Variants in GLT1D1 observed in about 807,000 individuals in gnomAD.
GLT1D1 encodes the protein glycosyltransferase 1 domain-containing protein 1.
Under a neutral mutation model 28.7 loss-of-function variants are expected in GLT1D1, and 21 were observed. That is an observed-to-expected ratio of 0.73 (90% CI 0.52 to 1.05). The LOEUF is 1.05. Among genes scored for constraint, GLT1D1 ranks in the 50% least tolerant of loss-of-function variants. GLT1D1 has a pLI of 0.00. For synonymous variants in GLT1D1, 147 were observed against 124.8 expected, an observed-to-expected ratio of 1.18 and a Z score of -1.19; for missense variants, 343 against 330.6, an observed-to-expected ratio of 1.04 and a Z score of -0.29.
At chr12:128,972,337 G>A (rs1174675491) in intron 7 of GLT1D1, among the ~76,000 whole-genome samples, 1 of 152,260 alleles carries the variant, frequency 6.6e-6, no homozygotes, top group African/African-American at 2.4e-5. Flanking sequence ...CTGCGGGAGA[G>A]AGAAGACAGG....
chr12:128,947,579 A>G, intron 6 of GLT1D1, 121 bp downstream of exon 10: 1 of 1,095,034 alleles, frequency 9.1e-7, no homozygotes, highest in Non-Finnish European at 1.4e-6. Flanking sequence ...TAAAAAGGCC[A>G]AGCAGCATAC....
Position 128,874,071 on chromosome 12 carries a change from T to TCTTC in GLT1D1, c.69-1840_69-1839insCCTT, listed in dbSNP as rs1566090880. 2.6e-3 allele frequency among the ~76,000 whole-genome samples: 44 copies of TCTTC among 17,066 alleles called. 1 individual carries two copies. Among genetic ancestry groups the TCTTC allele is most frequent in the African/African-American group, 0.014 (39 of 2,770 alleles). The allele number at this position is 17,066 out of a possible 152,430, so 11.2% of individuals were successfully genotyped here. A position where few individuals can be genotyped will look rare whatever the true frequency, so the allele number is the denominator to read the frequency against. ...TCCCTCCCTCCCTCCTTTCTTTCTT[T>TCTTC]CTTTCTTTCTTTCTTTCTTTCTTTC... is the stretch of plus-strand genomic sequence containing the variant. On this transcript the variant is annotated intron_variant, in intron 1 of 7. Coordinates refer to ENST00000281703, the MANE Select transcript of GLT1D1 (RefSeq NM_144669.3).
chr12:128,926,226 TAATAATAATAA>T (rs1185306040), intron 4 of GLT1D1, 122 bp from the exon 7 acceptor site: 44 of 221,564 alleles, frequency 2.0e-4, no homozygotes, highest in African/African-American at 7.3e-4. Context: ...ATAATAATAA[TAATAATAATAA>T]GAGTAGGAGA....
chr12:128,899,254 A>G lies in GLT1D1; in HGVS notation c.342A>G (p.Thr114=). Residue 114 remains threonine, a synonymous_variant, in exon 4 of 8, where the codon ACA becomes ACG. Coordinates refer to ENST00000281703, the MANE Select transcript of GLT1D1 (RefSeq NM_144669.3). ...TTACTAGATTTGCTGTCGCTTTCAC[A>G]GAGTCAATGAAGGAAATGGCACAAG... The G allele has an allele frequency of 1.9e-6, 3 of 1,613,280 alleles. No homozygotes were observed. The highest frequency in any genetic ancestry group is 2.5e-6 in the Non-Finnish European group (3 of 1,179,220).
At chr12:128,930,777 G>A (rs192600420) in intron 4 of GLT1D1, among the ~76,000 whole-genome samples, 2 of 152,284 alleles carry the variant, frequency 1.3e-5, no homozygotes, top group East Asian at 1.9e-4. Context: ...TTGCAGAGGC[G>A]GGAGAAGAGA....
chr12:128,971,556 GTCTT>G (rs1418813524), intron 7 of GLT1D1, among the ~76,000 whole-genome samples: 4 of 104,014 alleles, frequency 3.8e-5, no homozygotes, highest in African/African-American at 3.9e-5. Context: ...CTCTCTTCCT[GTCTT>G]TCTCCCTCCC....
chr12:128,910,020 A>G (rs143007459), intron 4 of GLT1D1, among the ~76,000 whole-genome samples: 3 of 152,268 alleles, frequency 2.0e-5, no homozygotes, highest in African/African-American at 4.8e-5. Flanking sequence ...ATATAAGCCA[A>G]TTGGCTTTTG....
chr12:128,923,387 G>A (rs562090823), intron 4 of GLT1D1, among the ~76,000 whole-genome samples: 12 of 152,232 alleles, frequency 7.9e-5, no homozygotes, highest in African/African-American at 2.6e-4. Flanking sequence ...ATAAGCCACC[G>A]CAGGATGCAC....
chr12:128,983,165 A>C lies in GLT1D1; in HGVS notation c.*75A>C. The C allele has an allele frequency of 7.3e-7, 1 of 1,370,014 alleles. No individual in the cohort carries two copies. The highest frequency in any genetic ancestry group is 1.0e-6 in the Non-Finnish European group (1 of 975,334). 84.9% of individuals were successfully genotyped at this position (1,370,014 alleles called of 1,614,324 possible). A position where few individuals can be genotyped will look rare whatever the true frequency, so the allele number is the denominator to read the frequency against. On this transcript the variant is annotated 3_prime_UTR_variant, in exon 8 of 8. Coordinates refer to ENST00000281703, the MANE Select transcript of GLT1D1 (RefSeq NM_144669.3). This position sits in a 1 kb window ranked among gnomAD's most constrained non-coding sequence, Gnocchi z 4.7. Reference sequence around the variant, plus strand: ...ACACTCAGAGACAGAGTTCTGGATCACGTGGGCCCAGTGCAGTTCAAATAA... The same window carrying C: ...ACACTCAGAGACAGAGTTCTGGATCCCGTGGGCCCAGTGCAGTTCAAATAA...
intron 2 of GLT1D1, among the ~76,000 whole-genome samples, chr12:128,887,078 C>T (rs113786602): frequency 0.054 from 8,165 of 151,102 alleles, 719 homozygotes; most frequent in African/African-American, 0.18. Context: ...GTGGCGTGAT[C>T]TCAGCTCACT....
chr12:128,926,374 C>A, intron 4 of GLT1D1: 2 of 1,520,618 alleles, frequency 1.3e-6, no homozygotes, highest in Non-Finnish European at 8.8e-7. Flanking sequence ...AACCAAAGTG[C>A]TGATAATTTG....
intron 4 of GLT1D1, among the ~76,000 whole-genome samples, chr12:128,908,827 T>C (rs1159369075): frequency 1.3e-5 from 2 of 152,224 alleles, no homozygotes; most frequent in East Asian, 3.9e-4. Flanking sequence ...CGGGCGCCTG[T>C]AGTCCCAGCT....
chr12:128,884,670 C>T, intron 2 of GLT1D1, among the ~76,000 whole-genome samples: 1 of 151,954 alleles, frequency 6.6e-6, no homozygotes, highest in Non-Finnish European at 1.5e-5. Context: ...TAAAAATTAG[C>T]TGGGCATGGT....
chr12:128,878,008 T>G (rs1214896849), intron 2 of GLT1D1, among the ~76,000 whole-genome samples: 2 of 152,192 alleles, frequency 1.3e-5, no homozygotes, highest in Non-Finnish European at 2.9e-5. Flanking sequence ...GGCCAGCTTC[T>G]CCCTGAGAGA....
At chr12:128,908,173 T>G (rs1871079783) in intron 4 of GLT1D1, among the ~76,000 whole-genome samples, 1 of 152,128 alleles carries the variant, frequency 6.6e-6, no homozygotes. Context: ...CCTCCGAAAG[T>G]GCTGGGATTA....
At chr12:128,952,720 C>A (rs1373148821) in intron 6 of GLT1D1, among the ~76,000 whole-genome samples, 1 of 149,220 alleles carries the variant, frequency 6.7e-6, no homozygotes, top group Non-Finnish European at 1.5e-5. Context: ...GGTGAGCCGC[C>A]TGCCTCGGCC....
At chr12:128,897,628 A>T (rs1395022799) in intron 3 of GLT1D1, among the ~76,000 whole-genome samples, 1 of 152,114 alleles carries the variant, frequency 6.6e-6, no homozygotes, top group Non-Finnish European at 1.5e-5. Flanking sequence ...AACTTTTTCC[A>T]TGTATTTAAC....
At chr12:128,932,783 C>T (rs1874072430) in intron 4 of GLT1D1, among the ~76,000 whole-genome samples, 1 of 151,670 alleles carries the variant, frequency 6.6e-6, no homozygotes, top group Non-Finnish European at 1.5e-5. Context: ...TGGGCACGAC[C>T]CTGGTTTAAG....
rs547159142 is a variant in GLT1D1, at chr12:128,901,499, C to T, written c.375+2212C>T. 2.4e-3 allele frequency among the ~76,000 whole-genome samples: 364 copies of T among 151,106 alleles called. 2 individuals carry two copies. The highest frequency in any genetic ancestry group is 8.5e-3 in the African/African-American group (348 of 41,104). ...TCGCCCAGGCTGGAGTGCAGTGGCG[C>T]GATCTCGGCTCACTGCAACCTCTGC... is the stretch of plus-strand genomic sequence containing the variant. On this transcript the variant is annotated intron_variant, in intron 4 of 7. Transcript: ENST00000281703.
Sources: gnomAD v4.1 joint callset for allele counts (sites outside exome capture counted in the v4.1 genomes callset) on GRCh38, gnomAD v4.1.1 for gene constraint, Gnocchi (gnomAD v3.1) non-coding constraint, MANE v1.5 for transcripts, NCBI Gene and HGNC (gene_info 2026-07-23, HGNC 2026-07-21) for gene names.